The following FAT2 variants were observed in gnomAD, a reference collection of about 807,000 sequenced individuals.
The protein encoded by FAT2 is FAT atypical cadherin 2, also known as protocadherin Fat 2.
A neutral mutation model predicts 295.3 loss-of-function variants in FAT2; 150 were observed. The observed-to-expected ratio is 0.51, with a 90% confidence interval of 0.44 to 0.58. FAT2 has a LOEUF of 0.58. FAT2 is among the 20% of genes least tolerant of loss of function. The pLI is 0.00. For missense variants in FAT2, 4,868 were observed against 5,442.7 expected (o/e 0.89, Z 3.32); for synonymous variants, 2,026 against 2,150.3 (o/e 0.94, Z 1.60).
intron 19 of FAT2, 151 bp from the exon 20 acceptor site, chr5:151,517,916 ATACCTTTC>A: frequency 2.1e-6 from 2 of 934,204 alleles, no homozygotes; most frequent in Non-Finnish European, 3.2e-6. Context: ...GGGGTGTGCC[ATACCTTTC>A]TAGCCTCACA....
Position 151,540,596 on chromosome 5 carries a change from C to T in FAT2, c.9010G>A (p.Val3004Ile), listed in dbSNP as rs142809371. Residue 3004 changes from valine to isoleucine, a missense_variant, in exon 11 of 24, where the codon GTC becomes ATC. Physicochemically the swap from Val to Ile is conservative, Grantham distance 29. Coordinates refer to ENST00000261800, the MANE Select transcript of FAT2 (RefSeq NM_001447.3). ...SVTVEIFVLD[V>I]NDNSPQCSQL... is the part of the protein sequence containing the mutation. ...GAACACTGTGGGCTGTTATCATTGA[C>T]GTCCAGGACAAAGATCTCCACAGTG... 1.8e-3 allele frequency: 2,922 copies of T among 1,613,836 alleles called. 5 individuals carry two copies. Among genetic ancestry groups the T allele is most frequent in the Non-Finnish European group, 2.3e-3 (2,725 of 1,179,856 alleles).
upstream of FAT2, among the ~76,000 whole-genome samples, chr5:151,591,448 C>T (rs903147240): frequency 3.9e-5 from 6 of 152,116 alleles, no homozygotes; most frequent in African/African-American, 1.4e-4. Flanking sequence ...TGGTTTGTGG[C>T]CCAGAACTCA....
At chr5:151,557,608 G>C (rs1405850510) in intron 3 of FAT2, among the ~76,000 whole-genome samples, 2 of 152,224 alleles carry the variant, frequency 1.3e-5, no homozygotes, top group African/African-American at 2.4e-5. Context: ...AGCAGAGGCA[G>C]CGCCTTCATT....
At chr5:151,565,145 C>G (rs192705644) in intron 2 of FAT2, among the ~76,000 whole-genome samples, 1 of 152,076 alleles carries the variant, frequency 6.6e-6, no homozygotes, top group East Asian at 1.9e-4. Context: ...AAGAATATTA[C>G]ACCTACATGG....
intron 15 of FAT2, among the ~76,000 whole-genome samples, chr5:151,528,648 A>G (rs1164440036): frequency 2.0e-5 from 3 of 152,138 alleles, no homozygotes; most frequent in African/African-American, 7.2e-5. Flanking sequence ...GTGTGGTTGG[A>G]GCATAGGGTG....
At chr5:151,510,472 CTG>C in intron 21 of FAT2, 1 of 243,284 alleles carries the variant, frequency 4.1e-6, no homozygotes, top group Non-Finnish European at 8.2e-6. Flanking sequence ...AAGGATCTTC[CTG>C]TGTTGGCTCA....
intron 1 of FAT2, among the ~76,000 whole-genome samples, chr5:151,576,007 C>T (rs138086352): frequency 3.0e-4 from 46 of 152,252 alleles, no homozygotes; most frequent in African/African-American, 1.1e-3. Context: ...CTAAAGAGCA[C>T]GGCATAGGAA....
chr5:151,569,863 G>A (rs1225172716), intron 1 of FAT2, among the ~76,000 whole-genome samples: 1 of 152,258 alleles, frequency 6.6e-6, no homozygotes, highest in African/African-American at 2.4e-5. Flanking sequence ...GGAAAGCAAA[G>A]TGACCAAGAT....
intron 1 of FAT2, among the ~76,000 whole-genome samples, chr5:151,571,019 C>T (rs1263361632): frequency 6.6e-6 from 1 of 152,136 alleles, no homozygotes; most frequent in Non-Finnish European, 1.5e-5. Context: ...TCCTGAGATT[C>T]TGTTGGTGGT....
chr5:151,532,940 T>C (rs993417796), intron 13 of FAT2, among the ~76,000 whole-genome samples: 2 of 152,224 alleles, frequency 1.3e-5, no homozygotes, highest in East Asian at 3.8e-4. Context: ...GCCATGCAAC[T>C]TCCCCATATT....
intron 14 of FAT2, 116 bp from the exon 15 acceptor site, chr5:151,529,508 T>C (rs1483667638): frequency 1.3e-6 from 1 of 765,560 alleles, no homozygotes; most frequent in African/African-American, 1.7e-5. Context: ...GCAAGGTAAG[T>C]GTCCTCTGTC....
rs80113300 is a variant in FAT2, at chr5:151,507,626, T to A, written c.12060-15A>T. 6 of 1,001,438 alleles carry A rather than the reference T, an allele frequency of 6.0e-6. No homozygotes were observed. The highest frequency in any genetic ancestry group is 8.3e-6 in the Non-Finnish European group (6 of 725,302). The allele number at this position is 1,001,438 out of a possible 1,614,324, so 62.0% of individuals were successfully genotyped here. ...CCATTTCACACCTGCGGAGACAGAG[T>A]AGTCAGGGGGCCAAGTCATGAAATT... On this transcript the variant is annotated splice_polypyrimidine_tract_variant and intron_variant, in intron 22 of 23. Transcript: ENST00000261800.
Position 151,505,777 on chromosome 5 carries a change from G to A in FAT2, c.12838C>T (p.Gln4280Ter). Reference protein sequence around the residue: ...EYTAISYYHSQFRQGGGGPCL... With the variant: ...EYTAISYYHS ...GGCCCTCCCCCTCCCTGCCGGAACTGCGAGTGGTAGTAGCTGATGGCCGTG... is the reference window on the plus strand; with the variant it reads ...GGCCCTCCCCCTCCCTGCCGGAACTACGAGTGGTAGTAGCTGATGGCCGTG... The change falls in exon 24 of 24, where the codon CAG (glutamine) becomes TAG (stop). Residue 4280 changes from glutamine to a stop codon, truncating the protein, a stop_gained. Transcript: ENST00000261800. LOFTEE classifies it high-confidence loss of function. The A allele has an allele frequency of 6.2e-7, 1 of 1,614,086 alleles. No individual in the cohort carries two copies. The highest frequency in any genetic ancestry group is 8.5e-7 in the Non-Finnish European group (1 of 1,180,002).
chr5:151,553,051 G>A, intron 6 of FAT2, 126 bp downstream of exon 6: 1 of 871,534 alleles, frequency 1.1e-6, no homozygotes, highest in Non-Finnish European at 1.8e-6. Flanking sequence ...CCCACTCCGG[G>A]CTGAAAGAGG....
rs165341 is a variant in FAT2 at position 151,505,278 on chromosome 5, C to G, written c.*287G>C. ...GGCAGATCAGGGAGCCCTCCTGTCTCTCGCCCACCCCGGGAGTCAATTGTT... is the reference window on the plus strand; with the variant it reads ...GGCAGATCAGGGAGCCCTCCTGTCTGTCGCCCACCCCGGGAGTCAATTGTT... On this transcript the variant is annotated 3_prime_UTR_variant, in exon 24 of 24. Coordinates refer to ENST00000261800, the MANE Select transcript of FAT2 (RefSeq NM_001447.3). 79,134 of 478,618 alleles carry G rather than the reference C, an allele frequency of 0.17. 7,498 individuals are homozygous for G. Among genetic ancestry groups the G allele is most frequent in the Non-Finnish European group, 0.21 (56,406 of 270,748 alleles). The allele number at this position is 478,618 out of a possible 1,614,324, so 29.6% of individuals were successfully genotyped here. A position where few individuals can be genotyped will look rare whatever the true frequency, so the allele number is the denominator to read the frequency against.
At chr5:151,507,868 C>G (rs1761020632) in intron 22 of FAT2, among the ~76,000 whole-genome samples, 1 of 152,184 alleles carries the variant, frequency 6.6e-6, no homozygotes, top group African/African-American at 2.4e-5. Context: ...GCAATGAGAT[C>G]TAGGCACTGT....
intron 23 of FAT2, 41 bp from the exon 24 acceptor site, chr5:151,506,138 C>T (rs1186592176): frequency 6.0e-6 from 9 of 1,490,654 alleles, no homozygotes; most frequent in Admixed American, 2.4e-5. Flanking sequence ...CATTTTCTCC[C>T]CGGAAGGTTT....
Position 151,521,630 on chromosome 5 carries a change from G to A in FAT2, c.10963C>T (p.Leu3655Phe), listed in dbSNP as rs749504172. 1.2e-6 allele frequency: 2 copies of A among 1,614,002 alleles called. No homozygotes were observed. Among genetic ancestry groups the A allele is most frequent in the South Asian group, 2.2e-5 (2 of 91,090 alleles). Residue 3655 changes from leucine (L) to phenylalanine (F), a missense_variant, in exon 19 of 24, where the codon CTC becomes TTC. Coordinates refer to ENST00000261800, the MANE Select transcript of FAT2 (RefSeq NM_001447.3). ...CGTTTGATGTCCAGCTTATGGCTGA[G>A]GAACCTCTGCAGGTTCCGCCAGTGG... ...SDHWRNLQRF[L>F]SHKLDIKRAN...
At chr5:151,560,358 T>C (rs1300854233) in intron 3 of FAT2, among the ~76,000 whole-genome samples, 1 of 152,242 alleles carries the variant, frequency 6.6e-6, no homozygotes, top group Non-Finnish European at 1.5e-5. Context: ...GGTAACTCAC[T>C]TTCCCAAGAT....
Sources: gnomAD v4.1 joint callset for allele counts (sites outside exome capture counted in the v4.1 genomes callset) on GRCh38, gnomAD v4.1.1 for gene constraint, MANE v1.5 for transcripts, NCBI Gene and HGNC (gene_info 2026-07-23, HGNC 2026-07-21) for gene names.